The following ROR1 variants were observed in gnomAD, a reference collection of about 807,000 sequenced individuals.
ROR1 encodes ROR family WNT receptor 1, also known as inactive tyrosine-protein kinase transmembrane receptor ROR1.
A neutral mutation model predicts 78.8 loss-of-function variants in ROR1; 19 were observed. The observed-to-expected ratio is 0.24, with a 90% CI of 0.17 to 0.35. The LOEUF is 0.35. ROR1 is among the 10% of genes least tolerant of loss of function. The pLI, the probability that ROR1 is intolerant of heterozygous loss-of-function variation, is 1.00. For missense variants in ROR1, 917 were observed against 1,177.8 expected (o/e 0.78, Z 3.24); for synonymous variants, 386 against 433.6 (o/e 0.89, Z 1.36).
intron 1 of ROR1, among the ~76,000 whole-genome samples, chr1:63,793,305 T>A (rs1644738039): frequency 6.6e-6 from 1 of 152,188 alleles, no homozygotes; most frequent in African/African-American, 2.4e-5. Context: ...GATGGTAAGC[T>A]CATTTGTCAA....
chr1:64,111,625 A>G (rs1401246083), intron 4 of ROR1, among the ~76,000 whole-genome samples: 1 of 152,118 alleles, frequency 6.6e-6, no homozygotes, highest in Non-Finnish European at 1.5e-5. Flanking sequence ...TACACACTGG[A>G]GGGTAGGGCT....
intron 1 of ROR1, among the ~76,000 whole-genome samples, chr1:63,938,444 C>A (rs1046845977): frequency 3.9e-5 from 6 of 152,088 alleles, no homozygotes; most frequent in Non-Finnish European, 7.3e-5. Context: ...CCCCCTGCAC[C>A]TCCCCTTAGT....
intron 1 of ROR1, among the ~76,000 whole-genome samples, chr1:63,924,901 G>T (rs1645686867): frequency 6.9e-6 from 1 of 145,562 alleles, no homozygotes; most frequent in Non-Finnish European, 1.5e-5. Flanking sequence ...AACGGTGGAA[G>T]GTTTTGCGGA....
At chr1:63,854,919 A>AT (rs1645138952) in intron 1 of ROR1, among the ~76,000 whole-genome samples, 1 of 152,156 alleles carries the variant, frequency 6.6e-6, no homozygotes, top group Admixed American at 6.5e-5. Context: ...TAGGTTACTT[A>AT]TAATACCTAA....
In ROR1 at chr1:63,999,946, A is replaced by G. The variant is rs189487977; in HGVS notation, c.92-9359A>G. Among the ~76,000 whole-genome samples the G allele has an allele frequency of 4.6e-5, 7 of 152,330 alleles. No individual in the cohort carries two copies. The East Asian group carries it at 1.2e-3, about 25-fold the overall frequency. On this transcript the variant is annotated intron_variant, in intron 1 of 8. Transcript: ENST00000371079. ...GTCATGGAATTGCAGCTGTGAAAGC[A>G]TCTTCCTTGTGTCTCTTGTTTCTTT...
chr1:63,868,568 G>A (rs1645231550), intron 1 of ROR1, among the ~76,000 whole-genome samples: 2 of 152,214 alleles, frequency 1.3e-5, no homozygotes, highest in African/African-American at 2.4e-5. Flanking sequence ...AATACACAGC[G>A]TCCTGGAAGG....
At position 64,180,993 on chromosome 1, in the gene ROR1, A is replaced by T. The variant is rs1179549149; in HGVS notation, c.*2138A>T. The T allele has an allele frequency of 2.0e-5, 3 of 152,162 alleles. No individual in the cohort carries two copies. The highest frequency in any genetic ancestry group is 6.5e-5 in the Admixed American group (1 of 15,280). The allele number at this position is 152,162 out of a possible 1,614,324, so 9.4% of individuals were successfully genotyped here. On this transcript the variant is annotated 3_prime_UTR_variant, in exon 9 of 9. Coordinates refer to ENST00000371079, the MANE Select transcript of ROR1 (RefSeq NM_005012.4). ...AAAACCACTTGTAATAATGTATTTT[A>T]TAATCGCACTGTGATACTATATAAC...
chr1:63,815,473 C>CTTTTATTT, intron 1 of ROR1, among the ~76,000 whole-genome samples: 1 of 96,108 alleles, frequency 1.0e-5, no homozygotes, highest in African/African-American at 7.6e-5. Flanking sequence ...CTTTTCTTTT[C>CTTTTATTT]TTTTCTTTTT....
Position 64,177,981 on chromosome 1 carries a change from G to A in ROR1, c.1940G>A (p.Arg647Lys). Residue 647 changes from arginine (R) to lysine (K), a missense_variant, in exon 9 of 9, where the codon AGG (arginine) becomes AAG (lysine). Transcript: ENST00000371079. ...SREIYSADYYRVQSKSLLPIR... is the reference protein window; with the variant it reads ...SREIYSADYYKVQSKSLLPIR... ...GAAATTTACTCCGCTGATTACTACAGGGTCCAGAGTAAGTCCTTGCTGCCC... is the reference window on the plus strand; with the variant it reads ...GAAATTTACTCCGCTGATTACTACAAGGTCCAGAGTAAGTCCTTGCTGCCC... 1 of 1,614,218 alleles carries A rather than the reference G, an allele frequency of 6.2e-7. No homozygotes were observed. The highest frequency in any genetic ancestry group is 8.5e-7 in the Non-Finnish European group (1 of 1,180,030).
At chr1:64,020,401 C>A (rs1209407153) in intron 2 of ROR1, among the ~76,000 whole-genome samples, 1 of 152,144 alleles carries the variant, frequency 6.6e-6, no homozygotes, top group African/African-American at 2.4e-5. Flanking sequence ...GAGGCCTGTA[C>A]TGGCTGAAGA....
At chr1:64,092,093 TTCCC>T (rs60543147) in intron 4 of ROR1, among the ~76,000 whole-genome samples, 64,070 of 118,150 alleles carry the variant, frequency 0.54, 18,497 homozygotes, top group African/African-American at 0.76. Flanking sequence ...GATGTAATTC[TTCCC>T]TCCCTCCCTC....
intron 1 of ROR1, among the ~76,000 whole-genome samples, chr1:63,881,830 G>T (rs796814813): frequency 3.3e-5 from 5 of 152,154 alleles, no homozygotes; most frequent in African/African-American, 1.2e-4. Flanking sequence ...TCTATTAATT[G>T]GTAGTGGCTG....
At chr1:63,985,285 T>C (rs1022675104) in intron 1 of ROR1, among the ~76,000 whole-genome samples, 7 of 151,894 alleles carry the variant, frequency 4.6e-5, no homozygotes, top group Non-Finnish European at 8.8e-5. Context: ...TTCTAAGGAG[T>C]AAGAGCTTCA....
intron 4 of ROR1, among the ~76,000 whole-genome samples, chr1:64,054,679 A>T (rs1209663629): frequency 6.6e-6 from 1 of 152,218 alleles, no homozygotes; most frequent in Non-Finnish European, 1.5e-5. Context: ...CATACTTCAT[A>T]CATTATCCTA....
chr1:63,858,840 G>A (rs761764137), intron 1 of ROR1, among the ~76,000 whole-genome samples: 59 of 152,204 alleles, frequency 3.9e-4, no homozygotes, highest in Non-Finnish European at 7.2e-4. Context: ...ACTATACTAA[G>A]TGTACTACTC....
At chr1:63,905,999 G>A (rs924224298) in intron 1 of ROR1, among the ~76,000 whole-genome samples, 12 of 151,982 alleles carry the variant, frequency 7.9e-5, no homozygotes, top group African/African-American at 2.9e-4. Flanking sequence ...GTAATCAAAC[G>A]GTTCCATTTA....
intron 4 of ROR1, among the ~76,000 whole-genome samples, chr1:64,077,339 T>A (rs902236004): frequency 6.6e-6 from 1 of 152,226 alleles, no homozygotes; most frequent in Non-Finnish European, 1.5e-5. Flanking sequence ...GTCCACTGAT[T>A]CATCTCCATT....
intron 1 of ROR1, among the ~76,000 whole-genome samples, chr1:63,802,788 C>T (rs1036077048): frequency 6.6e-6 from 1 of 152,168 alleles, no homozygotes; most frequent in Non-Finnish European, 1.5e-5. Flanking sequence ...TAGCAACCTA[C>T]AAGCAAATAA....
At chr1:63,794,955 A>G (rs186945430) in intron 1 of ROR1, among the ~76,000 whole-genome samples, 1 of 152,026 alleles carries the variant, frequency 6.6e-6, no homozygotes, top group South Asian at 2.1e-4. Flanking sequence ...GAGGAATTAG[A>G]ATTTGTTTTG....
Sources: gnomAD v4.1 joint callset for allele counts (sites outside exome capture counted in the v4.1 genomes callset) on GRCh38, gnomAD v4.1.1 for gene constraint, MANE v1.5 for transcripts, NCBI Gene and HGNC (gene_info 2026-07-23, HGNC 2026-07-21) for gene names.